RAD50: variants seen among roughly 807,000 people sequenced by gnomAD.
The protein encoded by RAD50 is RAD50 double strand break repair protein, also known as DNA repair protein RAD50.
In RAD50, 132 loss-of-function variants were observed where a neutral mutation model predicts 168.8. The ratio of observed to expected loss-of-function variants is 0.78; its 90% CI spans 0.68 to 0.90. The LOEUF (loss-of-function observed/expected upper bound fraction) is 0.90, where lower values mean the gene tolerates loss of function less well. RAD50 is among the 40% of genes least tolerant of loss of function. The pLI is 0.00. For synonymous variants in RAD50, 525 were observed against 497.4 expected, an observed-to-expected ratio of 1.06 and a Z score of -0.74; for missense variants, 1,347 against 1,534.4, an observed-to-expected ratio of 0.88 and a Z score of 2.04.
At chr5:132,565,371 G>A (rs1181952494) in intron 2 of RAD50, among the ~76,000 whole-genome samples, 1 of 152,006 alleles carries the variant, frequency 6.6e-6, no homozygotes, top group African/African-American at 2.4e-5. Flanking sequence ...CCTCCTGTAT[G>A]TAATCAATGT....
At chr5:132,635,573 T>A (rs1751564209) in intron 21 of RAD50, among the ~76,000 whole-genome samples, 1 of 152,222 alleles carries the variant, frequency 6.6e-6, no homozygotes, top group Non-Finnish European at 1.5e-5. Context: ...TGGGACAGGA[T>A]GCACCACCTG....
At chr5:132,601,249 C>G (rs928846758) in intron 13 of RAD50, among the ~76,000 whole-genome samples, 3 of 152,186 alleles carry the variant, frequency 2.0e-5, no homozygotes, top group Non-Finnish European at 4.4e-5. Context: ...TCACCAGCCT[C>G]AGCCTCCCAA....
Position 132,642,715 on chromosome 5 carries a change from A to G in RAD50, c.*351A>G. 2.5e-6 allele frequency: 1 copy of G among 397,158 alleles called. No individual in the cohort carries two copies. The highest frequency in any genetic ancestry group is 3.8e-5 in the Admixed American group (1 of 26,240). 24.6% of individuals were successfully genotyped at this position (397,158 alleles called of 1,614,324 possible). A position where few individuals can be genotyped will look rare whatever the true frequency, so the allele number is the denominator to read the frequency against. On this transcript the variant is annotated 3_prime_UTR_variant, in exon 25 of 25. Transcript: ENST00000378823. ...GAAGGAGATAATTACTGCCTTGAAA[A>G]TTTATGGTTTTGGTATTTTTTTAAA...
chr5:132,592,119 G>A (rs2149842831), intron 11 of RAD50, 85 bp downstream of exon 11: 1 of 1,401,258 alleles, frequency 7.1e-7, no homozygotes, highest in Non-Finnish European at 1.0e-6. Context: ...TTATTGTCAT[G>A]AAATGGTATG....
At chr5:132,630,670 T>C (rs976594037) in intron 21 of RAD50, 7 of 152,260 alleles carry the variant, frequency 4.6e-5, no homozygotes, top group African/African-American at 1.7e-4. Flanking sequence ...TTTGGGAGTC[T>C]AGCTAAAGAA....
chr5:132,594,753 C>A (rs1295600728), intron 11 of RAD50, 116 bp from the exon 12 acceptor site: 2 of 1,073,816 alleles, frequency 1.9e-6, no homozygotes, highest in East Asian at 2.4e-5. Context: ...ATTATTTGGT[C>A]ATACCAAACT....
intron 21 of RAD50, among the ~76,000 whole-genome samples, chr5:132,629,395 G>A (rs1199878434): frequency 6.6e-6 from 1 of 152,146 alleles, no homozygotes; most frequent in East Asian, 1.9e-4. Flanking sequence ...CAGTCACAGA[G>A]GCATGCTGAG....
chr5:132,557,135 T>C lies in RAD50; in HGVS notation c.-190T>C, dbSNP rs938308333. The C allele has an allele frequency of 5.0e-6, 4 of 803,650 alleles. No homozygotes were observed. Among genetic ancestry groups the C allele is most frequent in the Non-Finnish European group, 8.0e-6 (4 of 499,730 alleles). 49.8% of individuals were successfully genotyped at this position (803,650 alleles called of 1,614,324 possible). ...AAGCAGCTGGTGTGGGAGGAAAGGCTCCATCCCCCGCCCCCTCTCTCCCGC... is the reference window on the plus strand; with the variant it reads ...AAGCAGCTGGTGTGGGAGGAAAGGCCCCATCCCCCGCCCCCTCTCTCCCGC... On this transcript the variant is annotated 5_prime_UTR_variant, in exon 1 of 25. Transcript: ENST00000378823.
At chr5:132,579,027 T>C (rs1323499589) in intron 3 of RAD50, among the ~76,000 whole-genome samples, 1 of 152,222 alleles carries the variant, frequency 6.6e-6, no homozygotes, top group South Asian at 2.1e-4. Context: ...GTTAATGCTC[T>C]ATATAGTATC....
rs766887465 is a variant in RAD50 at position 132,589,726 on chromosome 5, A to G, written c.1341A>G (p.Ser447=). The G allele has an allele frequency of 6.2e-7, 1 of 1,613,218 alleles. No homozygotes were observed. The highest frequency in any genetic ancestry group is 8.5e-7 in the Non-Finnish European group (1 of 1,179,332). The change falls in exon 9 of 25, where the codon TCA becomes TCG. Residue 447 remains serine, a synonymous_variant. Transcript: ENST00000378823. ...TGGGAAGAATAATTGAGTTAAAATC[A>G]GAAATCCTAAGTAAGAAGCAGAATG... The part of the protein sequence containing the change: ...TGLGRIIELK[S]EILSKKQNEL...
chr5:132,645,788 A>G lies in RAD50; in HGVS notation c.*3424A>G, dbSNP rs550871597. On this transcript the variant is annotated 3_prime_UTR_variant, in exon 25 of 25. Transcript: ENST00000378823. ...GGCAAGAGACCTGGAGTATTTATAT[A>G]ACAACTTGCCAGGGTTACTGAGTGA... 2.0e-5 allele frequency: 3 copies of G among 152,302 alleles called. No individual in the cohort carries two copies. In the East Asian group the frequency reaches 5.8e-4, roughly 29 times the overall value. The allele number at this position is 152,302 out of a possible 1,614,324, so 9.4% of individuals were successfully genotyped here.
chr5:132,580,790 C>G (rs961611073), intron 5 of RAD50, among the ~76,000 whole-genome samples: 1 of 152,046 alleles, frequency 6.6e-6, no homozygotes, highest in Non-Finnish European at 1.5e-5. Context: ...TACAACTGCA[C>G]CCCTGTCCTT....
intron 16 of RAD50, among the ~76,000 whole-genome samples, chr5:132,605,477 T>C (rs1750968675): frequency 6.6e-6 from 1 of 152,108 alleles, no homozygotes; most frequent in African/African-American, 2.4e-5. Flanking sequence ...CTCAAGTAGA[T>C]GGGACTACAG....
chr5:132,639,353 CAAAAA>C (rs980327824), intron 23 of RAD50, among the ~76,000 whole-genome samples: 2 of 82,662 alleles, frequency 2.4e-5, no homozygotes. Flanking sequence ...AACTCCGTCT[CAAAAA>C]AAAAAAAAAA....
chr5:132,593,914 G>A (rs531650558), intron 11 of RAD50, among the ~76,000 whole-genome samples: 11 of 152,310 alleles, frequency 7.2e-5, no homozygotes, highest in African/African-American at 1.9e-4. Flanking sequence ...GAGCCAGATA[G>A]CTGTGGTGTC....
rs2706377 is a variant in RAD50 at position 132,603,805 on chromosome 5, A to G, written c.2398-115A>G. 18,985 of 1,045,102 alleles carry G rather than the reference A, an allele frequency of 0.018. 1,783 individuals carry two copies. In the African/African-American group the frequency reaches 0.23, roughly 13 times the overall value. 64.7% of individuals were successfully genotyped at this position (1,045,102 alleles called of 1,614,324 possible). A position where few individuals can be genotyped will look rare whatever the true frequency, so the allele number is the denominator to read the frequency against. On this transcript the variant is annotated intron_variant, in intron 14 of 24. Transcript: ENST00000378823. Reference sequence around the variant, plus strand: ...ATTAAACTTTGCTAAAATTGTATCTAGAAATGGTTTATAAGTTTAGATTTA... The same window carrying G: ...ATTAAACTTTGCTAAAATTGTATCTGGAAATGGTTTATAAGTTTAGATTTA...
Position 132,557,072 on chromosome 5 carries a change from A to T in RAD50, c.-253A>T. On this transcript the variant is annotated 5_prime_UTR_variant, in exon 1 of 25. Coordinates refer to ENST00000378823, the MANE Select transcript of RAD50 (RefSeq NM_005732.4). ...CTTTGCGTCCCCGGCGGGCAGCCCC[A>T]GGCTGGTCCCCGCCTCCGCTCTCCC... 3 of 657,846 alleles carry T rather than the reference A, an allele frequency of 4.6e-6. No homozygotes were observed. Among genetic ancestry groups the T allele is most frequent in the Non-Finnish European group, 5.0e-6 (2 of 403,026 alleles). 40.8% of individuals were successfully genotyped at this position (657,846 alleles called of 1,614,324 possible).
At chr5:132,609,034 T>C (rs943889754) in intron 17 of RAD50, 83 bp from the exon 18 acceptor site, 1 of 1,557,756 alleles carries the variant, frequency 6.4e-7, no homozygotes, top group Non-Finnish European at 8.7e-7. Context: ...TGTTCATAAC[T>C]TCCCAGCCAG....
chr5:132,629,629 T>TTA (rs1256266977), intron 21 of RAD50, among the ~76,000 whole-genome samples: 4 of 152,196 alleles, frequency 2.6e-5, no homozygotes, highest in African/African-American at 7.2e-5. Flanking sequence ...TTCTCAAGAT[T>TTA]TATACGGTGA....
Sources: gnomAD v4.1 joint callset for allele counts (sites outside exome capture counted in the v4.1 genomes callset) on GRCh38, gnomAD v4.1.1 for gene constraint, MANE v1.5 for transcripts, NCBI Gene and HGNC (gene_info 2026-07-23, HGNC 2026-07-21) for gene names.